MYH3: variants seen among roughly 807,000 people sequenced by gnomAD.
The protein encoded by MYH3 is myosin-3.
A neutral mutation model predicts 238.0 loss-of-function variants in MYH3; 130 were observed. That is an observed-to-expected ratio of 0.55 (90% CI 0.47 to 0.63). The LOEUF is 0.63. Among genes scored for constraint, MYH3 ranks in the 30% least tolerant of loss-of-function variants. The probability of loss-of-function intolerance (pLI) is 0.00; values close to 1 mark genes in which losing one functional copy is unlikely to be tolerated. For synonymous variants in MYH3, 880 were observed against 924.1 expected (o/e 0.95, Z 0.86); for missense variants, 1,853 against 2,374.9 (o/e 0.78, Z 4.57).
At position 10,644,370 on chromosome 17, in the gene MYH3, G is replaced by C; in HGVS notation, c.1391C>G (p.Ala464Gly). Residue 464 changes from alanine to glycine, a missense_variant, in exon 14 of 41, where the codon GCA becomes GGA. Around this residue, in one of 3 missense-constraint regions of MYH3, gnomAD observed 678 missense variants for 1,058.9 expected, o/e 0.64. Transcript: ENST00000583535. ...RQHFIGVLDI[A>G]GFEIFEYNSL... The stretch of plus-strand genomic sequence containing the variant: ...ACAAACCTCAAAGATTTCAAAGCCT[G>C]CAATGTCCAAAACACCAATGAAGTG... The C allele has an allele frequency of 6.2e-7, 1 of 1,614,104 alleles. No individual in the cohort carries two copies. Among genetic ancestry groups the C allele is most frequent in the Non-Finnish European group, 8.5e-7 (1 of 1,179,962 alleles).
chr17:10,653,726 G>A (rs974018106), intron 3 of MYH3, among the ~76,000 whole-genome samples: 2 of 152,194 alleles, frequency 1.3e-5, no homozygotes, highest in African/African-American at 4.8e-5. Flanking sequence ...TCTCTGGGCA[G>A]TGTGGATGGG....
rs769975550 is a variant in MYH3, at chr17:10,640,077, C to T, written c.2601G>A (p.Ser867=). The change falls in exon 22 of 41, where the codon TCG becomes TCA. Residue 867 remains serine (S), a synonymous_variant. Transcript: ENST00000583535. ...CCTCTAGCTCCTTCCTTTTTGCCTC[C>T]GACTTGGCGAGTTCATCTTTGGTTT... ...FQKTKDELAK[S]EAKRKELEEK... The T allele has an allele frequency of 3.0e-5, 48 of 1,613,846 alleles. No homozygotes were observed. The highest frequency in any genetic ancestry group is 6.7e-5 in the African/African-American group (5 of 74,886).
Position 10,632,644 on chromosome 17 carries a change from T to G in MYH3, c.4788A>C (p.Glu1596Asp), listed in dbSNP as rs2074175622. The G allele has an allele frequency of 6.2e-7, 1 of 1,614,072 alleles. No homozygotes were observed. Among genetic ancestry groups the G allele is most frequent in the Non-Finnish European group, 8.5e-7 (1 of 1,180,042 alleles). ...CGGCGTCCAGGGCGCTCTGCATGGT[T>G]TCCACTGTTCTCTGGTAGTTCCTCT... The part of the protein sequence containing the change: ...QLKRNYQRTV[E>D]TMQSALDAEV... The change falls in exon 34 of 41, where the codon GAA becomes GAC. Residue 1596 changes from glutamate (E) to aspartate (D), a missense_variant. Physicochemically the swap from Glu to Asp is conservative, Grantham distance 45 (BLOSUM62 2). Transcript: ENST00000583535.
intron 14 of MYH3, 102 bp downstream of exon 14, chr17:10,644,249 G>C (rs1442846970): frequency 3.1e-6 from 4 of 1,275,886 alleles, no homozygotes; most frequent in Non-Finnish European, 4.5e-6. Context: ...TTTCTTACAG[G>C]AAACTAAGAC....
At chr17:10,671,572 ATTTTTTTTTT>A in the MYH3 span, among the ~76,000 whole-genome samples, 3 of 82,308 alleles carry the variant, frequency 3.6e-5, no homozygotes, top group African/African-American at 1.5e-4. Flanking sequence ...TCTCAGGGTC[ATTTTTTTTTT>A]TTTTTTTTTT....
intron 2 of MYH3, among the ~76,000 whole-genome samples, chr17:10,655,568 T>C (rs1413295767): frequency 6.6e-6 from 1 of 152,200 alleles, no homozygotes; most frequent in Non-Finnish European, 1.5e-5. Flanking sequence ...TTTGCTTCCT[T>C]GGGTTGCTAA....
At chr17:10,657,088 G>C (rs1404421590) in intron 1 of MYH3, among the ~76,000 whole-genome samples, 1 of 152,142 alleles carries the variant, frequency 6.6e-6, no homozygotes, top group Non-Finnish European at 1.5e-5. Flanking sequence ...GGGAGGTGCT[G>C]GAGCCAGAGG....
At chr17:10,665,431 C>T in the MYH3 span, among the ~76,000 whole-genome samples, 5 of 152,156 alleles carry the variant, frequency 3.3e-5, no homozygotes, top group Non-Finnish European at 7.3e-5. Flanking sequence ...GTGTGAGCCA[C>T]CGAACCCAGA....
chr17:10,666,439 T>G, the MYH3 span, among the ~76,000 whole-genome samples: 3 of 103,300 alleles, frequency 2.9e-5, no homozygotes, highest in African/African-American at 3.7e-5. Context: ...GCAGGCATGG[T>G]GGTGCATGCC....
At position 10,652,292 on chromosome 17, in the gene MYH3, T is replaced by G. The variant is rs371873183; in HGVS notation, c.348+128A>C. On this transcript the variant is annotated intron_variant, in intron 4 of 40. Coordinates refer to ENST00000583535, the MANE Select transcript of MYH3 (RefSeq NM_002470.4). ...TTGCCTTCTTTCTCCTCCGTCTTTG[T>G]GTTTTGTTCATCAGCTAGGCAAGCA... 94 of 1,187,832 alleles carry G rather than the reference T, an allele frequency of 7.9e-5. 2 individuals are homozygous for G. In the East Asian group the frequency reaches 9.4e-4, roughly 12 times the overall value. The allele number at this position is 1,187,832 out of a possible 1,614,324, so 73.6% of individuals were successfully genotyped here.
At chr17:10,661,848 G>T (rs1382628946), upstream of MYH3, among the ~76,000 whole-genome samples, 1 of 152,094 alleles carries the variant, frequency 6.6e-6, no homozygotes, top group Non-Finnish European at 1.5e-5. Flanking sequence ...CACTAGAAAT[G>T]AGGAACTCGG....
chr17:10,649,794 ACACT>A, intron 6 of MYH3, 109 bp from the exon 7 acceptor site: 1 of 924,048 alleles, frequency 1.1e-6, no homozygotes, highest in South Asian at 1.3e-5. Context: ...TCTCTGACAC[ACACT>A]CACCACACTA....
chr17:10,666,419 A>AAAAAAAAAAAAATT, the MYH3 span, among the ~76,000 whole-genome samples: 1 of 136,782 alleles, frequency 7.3e-6, no homozygotes, highest in African/African-American at 2.7e-5. Flanking sequence ...GTCTCTACAA[A>AAAAAAAAAAAAATT]AAAAAACCAG....
In MYH3 at chr17:10,651,586, C is replaced by T. The variant is rs1396728749; in HGVS notation, c.431G>A (p.Arg144Gln). ...TGGGGCCTCCTGGCGCTTTTTGCCT[C>T]GGTAGCCTTCCACCACCTCGGGGTT... Reference protein sequence around the residue: ...VYNPEVVEGYRGKKRQEAPPH... With the variant: ...VYNPEVVEGYQGKKRQEAPPH... Residue 144 changes from arginine (R) to glutamine (Q), a missense_variant, in exon 5 of 41, where the codon CGA becomes CAA. Arg to Gln is a conservative substitution (Grantham distance 43). Around this residue, in one of 3 missense-constraint regions of MYH3, gnomAD observed 678 missense variants for 1,058.9 expected, o/e 0.64. Transcript: ENST00000583535. 4.3e-6 allele frequency: 7 copies of T among 1,613,886 alleles called. No homozygotes were observed. Among genetic ancestry groups the T allele is most frequent in the Admixed American group, 1.7e-5 (1 of 59,998 alleles).
intron 7 of MYH3, 106 bp downstream of exon 7, chr17:10,649,471 C>T: frequency 1.1e-6 from 1 of 905,388 alleles, no homozygotes; most frequent in Non-Finnish European, 1.9e-6. Context: ...GCCTGTTCTC[C>T]ATTCTCTGAA....
Position 10,629,939 on chromosome 17 carries a change from T to G in MYH3, c.5563-2A>C, listed in dbSNP as rs1292080462. 6.2e-7 allele frequency: 1 copy of G among 1,614,002 alleles called. No homozygotes were observed. Among genetic ancestry groups the G allele is most frequent in the Admixed American group, 1.7e-5 (1 of 60,020 alleles). ...CACATTCTTCCTGTCCTCTTCACTC[T>G]AAGAATGAGAAAGTGGGAATGTCAC... is the stretch of plus-strand genomic sequence containing the variant. On this transcript the variant is annotated splice_acceptor_variant, in intron 38 of 40. Coordinates refer to ENST00000583535, the MANE Select transcript of MYH3 (RefSeq NM_002470.4). LOFTEE classifies it high-confidence loss of function.
In MYH3 at chr17:10,632,278, C is replaced by A. The variant is rs990765963; in HGVS notation, c.4956+198G>T. Among the ~76,000 whole-genome samples, 15 of 152,248 alleles carry A rather than the reference C, an allele frequency of 9.9e-5. 1 individual carries two copies. Among genetic ancestry groups the A allele is most frequent in the Admixed American group, 8.5e-4 (13 of 15,292 alleles). Reference sequence around the variant, plus strand: ...AGACCACAGGCTTGTGCCACCATGCCTAGCTAATTTTTATTTTTTTTGTAG... The same window carrying A: ...AGACCACAGGCTTGTGCCACCATGCATAGCTAATTTTTATTTTTTTTGTAG... On this transcript the variant is annotated intron_variant, in intron 34 of 40. Transcript: ENST00000583535.
the MYH3 span, chr17:10,673,390 A>T: frequency 1.3e-5 from 2 of 152,294 alleles, no homozygotes; most frequent in African/African-American, 4.8e-5. Flanking sequence ...TTGTGCTGTG[A>T]TCCCGCACGT....
chr17:10,668,602 TATGAA>T, the MYH3 span, among the ~76,000 whole-genome samples: 1 of 152,154 alleles, frequency 6.6e-6, no homozygotes, highest in Non-Finnish European at 1.5e-5. Flanking sequence ...ATAAACTGGA[TATGAA>T]ATGATACTCA....
Sources: gnomAD v4.1 joint callset for allele counts (sites outside exome capture counted in the v4.1 genomes callset) on GRCh38, gnomAD v4.1.1 for gene constraint, gnomAD v4.1.1 regional missense constraint, MANE v1.5 for transcripts, NCBI Gene and HGNC (gene_info 2026-07-23, HGNC 2026-07-21) for gene names.